The following CRAMP1 variants were observed in gnomAD, a reference collection of about 807,000 sequenced individuals.
CRAMP1 encodes cramped chromatin regulator 1, also known as protein cramped-like.
A neutral mutation model predicts 115.4 loss-of-function variants in CRAMP1; 50 were observed. The ratio of observed to expected loss-of-function variants is 0.43; its 90% CI spans 0.35 to 0.55. The LOEUF is 0.55. Ranked by LOEUF, CRAMP1 falls within the 20% of genes least tolerant of loss-of-function variation. The probability of loss-of-function intolerance (pLI) is 0.01; values close to 1 mark genes in which losing one functional copy is unlikely to be tolerated. For synonymous variants in CRAMP1, 866 were observed against 745.4 expected, an observed-to-expected ratio of 1.16 and a Z score of -2.64; for missense variants, 1,679 against 1,721.7, an observed-to-expected ratio of 0.98 and a Z score of 0.44.
chr16:1,653,938 G>T (rs1252856813), intron 8 of CRAMP1, among the ~76,000 whole-genome samples: 1 of 151,786 alleles, frequency 6.6e-6, no homozygotes, highest in African/African-American at 2.4e-5. Flanking sequence ...TTAGGAGTTT[G>T]AGACCAGCCT....
chr16:1,650,013 C>G (rs773632604), intron 6 of CRAMP1, among the ~76,000 whole-genome samples: 1 of 151,998 alleles, frequency 6.6e-6, no homozygotes, highest in African/African-American at 2.4e-5. Flanking sequence ...AGGCTGGTCT[C>G]GAACTCCTGA....
chr16:1,653,244 A>C, intron 8 of CRAMP1, 88 bp downstream of exon 8: 1 of 1,451,314 alleles, frequency 6.9e-7, no homozygotes, highest in Non-Finnish European at 9.3e-7. Flanking sequence ...AGGAACTTCC[A>C]GGAGAAGCAG....
At chr16:1,665,542 T>C (rs567474875) in intron 14 of CRAMP1, among the ~76,000 whole-genome samples, 292 of 152,324 alleles carry the variant, frequency 1.9e-3, no homozygotes, top group Non-Finnish European at 3.2e-3. Flanking sequence ...GCGGTAGATA[T>C]TACACAGGGA....
Position 1,614,316 on chromosome 16 carries a change from G to C in CRAMP1, c.-1-323G>C, listed in dbSNP as rs1411471189. On this transcript the variant is annotated intron_variant, in intron 1 of 20. Transcript: ENST00000397412. The surrounding 1 kb of genome is among the most constrained non-coding windows in gnomAD (Gnocchi z 4.4). ...GCGCCGGGGCTCCCATAGACCCCGGGGCCGGGGCCGGGGCCGGGGCCGGGC... is the reference window on the plus strand; with the variant it reads ...GCGCCGGGGCTCCCATAGACCCCGGCGCCGGGGCCGGGGCCGGGGCCGGGC... 6.9e-6 allele frequency among the ~76,000 whole-genome samples: 1 copy of C among 145,394 alleles called. No homozygotes were observed. The highest frequency in any genetic ancestry group is 6.8e-5 in the Admixed American group (1 of 14,684).
At chr16:1,629,914 C>T (rs1454614613) in intron 3 of CRAMP1, among the ~76,000 whole-genome samples, 1 of 151,796 alleles carries the variant, frequency 6.6e-6, no homozygotes, top group East Asian at 1.9e-4. Flanking sequence ...TCCCTCAGCC[C>T]CTGTGTTGCT....
intron 1 of CRAMP1, among the ~76,000 whole-genome samples, chr16:1,613,205 G>A (rs776471918): frequency 6.6e-6 from 1 of 152,122 alleles, no homozygotes; most frequent in African/African-American, 2.4e-5. Context: ...CCTTAAGTTG[G>A]GGTGTTTGTC....
intron 11 of CRAMP1, among the ~76,000 whole-genome samples, chr16:1,661,327 T>C (rs2036827289): frequency 6.6e-6 from 1 of 150,994 alleles, no homozygotes; most frequent in East Asian, 2.0e-4. Flanking sequence ...TGAGAGGTCC[T>C]GGCCTCCTGG....
rs749029548 is a variant in CRAMP1, at chr16:1,666,405, G to A, written c.2858-17G>A. 2.6e-5 allele frequency: 42 copies of A among 1,607,034 alleles called. No individual in the cohort carries two copies. The highest frequency in any genetic ancestry group is 1.3e-4 in the African/African-American group (10 of 74,788). ...TGTCAGTAGAGCAGAGATGTGCAGC[G>A]TCCTTTTTGTTGCCAGGTGCTATCG... On this transcript the variant is annotated splice_polypyrimidine_tract_variant and intron_variant, in intron 15 of 20. Transcript: ENST00000397412. The surrounding 1 kb of genome is among the most constrained non-coding windows in gnomAD (Gnocchi z 5.0).
At chr16:1,664,793 A>C (rs1158972064) in intron 13 of CRAMP1, among the ~76,000 whole-genome samples, 1 of 151,992 alleles carries the variant, frequency 6.6e-6, no homozygotes, top group Non-Finnish European at 1.5e-5. Flanking sequence ...AAAAAAAAAA[A>C]AAGTGGATGA....
Position 1,668,047 on chromosome 16 carries a change from C to G in CRAMP1, c.3188C>G (p.Ser1063Cys), listed in dbSNP as rs1270563399. 1.9e-6 allele frequency: 3 copies of G among 1,613,804 alleles called. No homozygotes were observed. The highest frequency in any genetic ancestry group is 2.5e-6 in the Non-Finnish European group (3 of 1,179,880). ...ATACCGCTGTCCTCGTCAGAGAGCT[C>G]CAGCACCCGGCTGTCTCCACCAGAC... Reference protein sequence around the residue: ...LSIPLSSSESSSTRLSPPDVS... With the variant: ...LSIPLSSSESCSTRLSPPDVS... The change falls in exon 18 of 21, where the codon TCC (serine) becomes TGC (cysteine). Residue 1063 changes from serine (S) to cysteine (C), a missense_variant. Ser to Cys is a moderately radical substitution (Grantham distance 112). Coordinates refer to ENST00000397412, the MANE Select transcript of CRAMP1 (RefSeq NM_020825.4).
Position 1,666,397 on chromosome 16 carries a change from T to C in CRAMP1, c.2858-25T>C. ...TTATGGGTTGTCAGTAGAGCAGAGA[T>C]GTGCAGCGTCCTTTTTGTTGCCAGG... is the stretch of plus-strand genomic sequence containing the variant. On this transcript the variant is annotated intron_variant, in intron 15 of 20. Transcript: ENST00000397412. The surrounding 1 kb of genome is among the most constrained non-coding windows in gnomAD (Gnocchi z 5.0). The C allele has an allele frequency of 6.2e-7, 1 of 1,602,114 alleles. No homozygotes were observed. Among genetic ancestry groups the C allele is most frequent in the South Asian group, 1.1e-5 (1 of 89,432 alleles).
intron 4 of CRAMP1, among the ~76,000 whole-genome samples, chr16:1,636,334 G>A (rs556552193): frequency 1.3e-5 from 2 of 151,264 alleles, no homozygotes; most frequent in South Asian, 2.1e-4. Flanking sequence ...TCGCGTCACC[G>A]CACTCCAGCC....
In CRAMP1 at chr16:1,614,611, C is replaced by T. The variant is rs2036400585; in HGVS notation, c.-1-28C>T. On this transcript the variant is annotated intron_variant, in intron 1 of 20. Coordinates refer to ENST00000397412, the MANE Select transcript of CRAMP1 (RefSeq NM_020825.4). The surrounding 1 kb of genome is among the most constrained non-coding windows in gnomAD (Gnocchi z 4.4). ...AACTTCCCGGCCTGCGCCCGCCTCA[C>T]CGGCCGCCTCCCCTCTCCCGGCCGC... 1.6e-6 allele frequency: 2 copies of T among 1,216,946 alleles called. No homozygotes were observed. The highest frequency in any genetic ancestry group is 8.0e-5 in the South Asian group (2 of 24,974). The allele number at this position is 1,216,946 out of a possible 1,614,324, so 75.4% of individuals were successfully genotyped here.
intron 8 of CRAMP1, 110 bp downstream of exon 8, chr16:1,653,266 T>C (rs2036739979): frequency 7.8e-7 from 1 of 1,288,658 alleles, no homozygotes; most frequent in Non-Finnish European, 1.1e-6. Context: ...TCCACCCCTA[T>C]GCTCTGTCAT....
chr16:1,654,671 C>G (rs377046325), intron 8 of CRAMP1, among the ~76,000 whole-genome samples: 5 of 152,214 alleles, frequency 3.3e-5, no homozygotes, highest in African/African-American at 1.2e-4. Context: ...CACCCTCCCA[C>G]GGCCGCCGGC....
At chr16:1,634,079 T>C (rs1269528859) in intron 4 of CRAMP1, among the ~76,000 whole-genome samples, 2 of 150,924 alleles carry the variant, frequency 1.3e-5, no homozygotes, top group East Asian at 1.9e-4. Context: ...TGCCATCCAC[T>C]GTGGCTGGTC....
chr16:1,654,785 C>A (rs925927544), intron 8 of CRAMP1, among the ~76,000 whole-genome samples: 2 of 152,234 alleles, frequency 1.3e-5, no homozygotes, highest in Non-Finnish European at 2.9e-5. Context: ...TTTCACTGGG[C>A]GTGATGCTTT....
intron 6 of CRAMP1, among the ~76,000 whole-genome samples, chr16:1,652,102 T>C (rs34914899): frequency 0.12 from 18,020 of 152,202 alleles, 1,526 homozygotes; most frequent in African/African-American, 0.24. Flanking sequence ...TGAGAGCTTC[T>C]GCTCTGAGGG....
chr16:1,643,972 CTAG>C (rs1302235334), intron 6 of CRAMP1, among the ~76,000 whole-genome samples: 2 of 152,204 alleles, frequency 1.3e-5, no homozygotes, highest in African/African-American at 4.8e-5. Flanking sequence ...CTTAAGGAAG[CTAG>C]TGTTGAGGTA....
Sources: allele counts gnomAD v4.1 joint callset (sites outside exome capture counted in the v4.1 genomes callset), GRCh38; gene constraint gnomAD v4.1.1; non-coding constraint Gnocchi (gnomAD v3.1); transcripts MANE v1.5; gene names NCBI Gene and HGNC (gene_info 2026-07-23, HGNC 2026-07-21).